The following NKAIN2 variants were observed in gnomAD, a reference collection of about 807,000 sequenced individuals.
NKAIN2 encodes the protein sodium/potassium-transporting ATPase subunit beta-1-interacting protein 2.
Under a neutral mutation model 32.6 loss-of-function variants are expected in NKAIN2, and 14 were observed. The ratio of observed to expected loss-of-function variants is 0.43; its 90% CI spans 0.28 to 0.67. The LOEUF (loss-of-function observed/expected upper bound fraction) is 0.67. Ranked by LOEUF, NKAIN2 falls within the 30% of genes least tolerant of loss-of-function variation. The pLI, the probability that NKAIN2 is intolerant of heterozygous loss-of-function variation, is 0.17. For missense variants in NKAIN2, 198 were observed against 258.3 expected (o/e 0.77, Z 1.60); for synonymous variants, 80 against 87.2 (o/e 0.92, Z 0.46).
At chr6:124,450,566 ATGG>A (rs952588430) in intron 3 of NKAIN2, among the ~76,000 whole-genome samples, 5 of 151,826 alleles carry the variant, frequency 3.3e-5, no homozygotes, top group South Asian at 4.2e-4. Context: ...TTTTGTACAG[ATGG>A]TGATTTTTGT....
chr6:123,891,594 C>T (rs1024126272), intron 1 of NKAIN2, among the ~76,000 whole-genome samples: 1 of 152,148 alleles, frequency 6.6e-6, no homozygotes, highest in Non-Finnish European at 1.5e-5. Context: ...CCATAGGAAA[C>T]ATGGTCTCTT....
intron 3 of NKAIN2, among the ~76,000 whole-genome samples, chr6:124,511,774 C>T (rs1413324483): frequency 6.6e-6 from 1 of 152,096 alleles, no homozygotes; most frequent in East Asian, 1.9e-4. Flanking sequence ...TATCCTTGTG[C>T]TCCCTAGGTT....
chr6:124,325,801 A>G (rs1195963785), intron 2 of NKAIN2, among the ~76,000 whole-genome samples: 1 of 152,114 alleles, frequency 6.6e-6, no homozygotes, highest in East Asian at 1.9e-4. Flanking sequence ...GGGTTTATAT[A>G]ATTGTTAAAA....
At chr6:124,068,701 G>A (rs1462756602) in intron 1 of NKAIN2, among the ~76,000 whole-genome samples, 2 of 151,892 alleles carry the variant, frequency 1.3e-5, no homozygotes, top group East Asian at 3.9e-4. Context: ...TAAGAAAAAT[G>A]TTCTACTGCC....
chr6:124,616,623 C>A (rs1446255249), intron 3 of NKAIN2, among the ~76,000 whole-genome samples: 1 of 150,914 alleles, frequency 6.6e-6, no homozygotes, highest in African/African-American at 2.4e-5. Context: ...CGCCACCACG[C>A]CCGGCTAATT....
chr6:124,758,270 C>G (rs1778057151), intron 4 of NKAIN2, among the ~76,000 whole-genome samples: 1 of 152,014 alleles, frequency 6.6e-6, no homozygotes, highest in African/African-American at 2.4e-5. Context: ...CCTCAAAACT[C>G]ATATGTTAAA....
intron 3 of NKAIN2, chr6:124,438,006 C>T (rs955821753): frequency 5.1e-4 from 194 of 379,128 alleles, no homozygotes; most frequent in Non-Finnish European, 9.0e-4. Context: ...GTGGATATAG[C>T]AAGAAAGCCC....
intron 1 of NKAIN2, among the ~76,000 whole-genome samples, chr6:124,194,621 T>A (rs1562414828): frequency 6.6e-6 from 1 of 152,130 alleles, no homozygotes; most frequent in African/African-American, 2.4e-5. Flanking sequence ...TATTTTATGA[T>A]TTTTTTATAT....
chr6:124,300,742 A>G (rs960067005), intron 2 of NKAIN2, among the ~76,000 whole-genome samples: 1 of 152,202 alleles, frequency 6.6e-6, no homozygotes, highest in Non-Finnish European at 1.5e-5. Context: ...AACTCTTGTT[A>G]TGCTTTAGCA....
rs115024090 is a variant in NKAIN2 at position 124,466,141 on chromosome 6, A to G, written c.273+110794A>G. On this transcript the variant is annotated intron_variant, in intron 3 of 6. Transcript: ENST00000368417. ...TTGGATTTAGAATCCCAATTCAAGC[A>G]CAAATCCCTGGATGTCACAGGGGAA... 7.7e-3 allele frequency among the ~76,000 whole-genome samples: 1,176 copies of G among 152,246 alleles called. 15 individuals are homozygous for G. Among genetic ancestry groups the G allele is most frequent in the African/African-American group, 0.027 (1,125 of 41,552 alleles).
At chr6:123,922,539 C>T (rs979982181) in intron 1 of NKAIN2, among the ~76,000 whole-genome samples, 35 of 152,112 alleles carry the variant, frequency 2.3e-4, no homozygotes, top group African/African-American at 8.2e-4. Flanking sequence ...TTGTTGCTTG[C>T]CTAATTCTAG....
chr6:124,564,750 G>T (rs1780838929), intron 3 of NKAIN2, among the ~76,000 whole-genome samples: 1 of 152,166 alleles, frequency 6.6e-6, no homozygotes, highest in Non-Finnish European at 1.5e-5. Flanking sequence ...GATTGCACAA[G>T]TTGATTAAAT....
At chr6:124,822,434 T>C (rs1781430177) in intron 6 of NKAIN2, among the ~76,000 whole-genome samples, 1 of 152,106 alleles carries the variant, frequency 6.6e-6, no homozygotes. Flanking sequence ...GGAAAACAAA[T>C]GTTGAAAAGC....
intron 1 of NKAIN2, among the ~76,000 whole-genome samples, chr6:124,039,030 G>GT (rs527376437): frequency 4.9e-4 from 75 of 152,062 alleles, no homozygotes; most frequent in Non-Finnish European, 8.1e-4. Context: ...TATGTATGAT[G>GT]TTTTTCTCAT....
At chr6:124,097,591 GCTAC>G (rs1784699722) in intron 1 of NKAIN2, among the ~76,000 whole-genome samples, 1 of 152,114 alleles carries the variant, frequency 6.6e-6, no homozygotes, top group South Asian at 2.1e-4. Context: ...TTATTTGTTA[GCTAC>G]ATGCAATTGG....
intron 1 of NKAIN2, among the ~76,000 whole-genome samples, chr6:124,140,918 T>C (rs1787102006): frequency 6.6e-6 from 1 of 152,206 alleles, no homozygotes; most frequent in Non-Finnish European, 1.5e-5. Flanking sequence ...GACTCAAAAA[T>C]AGCTGATAAT....
At chr6:124,393,289 A>G (rs1203453214) in intron 3 of NKAIN2, among the ~76,000 whole-genome samples, 1 of 152,122 alleles carries the variant, frequency 6.6e-6, no homozygotes, top group Non-Finnish European at 1.5e-5. Context: ...ATGGCCCAAT[A>G]CGTAAGATGC....
At chr6:124,248,603 A>T (rs1793535653) in intron 1 of NKAIN2, among the ~76,000 whole-genome samples, 1 of 152,064 alleles carries the variant, frequency 6.6e-6, no homozygotes, top group Admixed American at 6.6e-5. Flanking sequence ...TATTAACCAA[A>T]AATAAACTAC....
chr6:124,297,089 C>G (rs1044556125), intron 2 of NKAIN2, among the ~76,000 whole-genome samples: 1 of 152,100 alleles, frequency 6.6e-6, no homozygotes, highest in Admixed American at 6.6e-5. Flanking sequence ...TAAGAATTAC[C>G]ATGATGACTA....
Sources: gnomAD v4.1 joint callset for allele counts (sites outside exome capture counted in the v4.1 genomes callset) on GRCh38, gnomAD v4.1.1 for gene constraint, MANE v1.5 for transcripts, NCBI Gene and HGNC (gene_info 2026-07-23, HGNC 2026-07-21) for gene names.